The following GRM7 variants were observed in gnomAD, a reference collection of about 807,000 sequenced individuals.
GRM7 encodes metabotropic glutamate receptor 7.
In GRM7, 35 loss-of-function variants were observed where a neutral mutation model predicts 84.5. That is an observed-to-expected ratio of 0.41 (90% CI 0.32 to 0.55). GRM7 has a LOEUF of 0.55. Ranked by LOEUF, GRM7 falls within the 20% of genes least tolerant of loss-of-function variation. GRM7 has a pLI of 0.19. For synonymous variants in GRM7, 487 were observed against 455.1 expected, an observed-to-expected ratio of 1.07 and a Z score of -0.89; for missense variants, 1,003 against 1,194.6, an observed-to-expected ratio of 0.84 and a Z score of 2.36.
At chr3:7,134,705 G>T (rs560824410) in intron 1 of GRM7, among the ~76,000 whole-genome samples, 1 of 152,030 alleles carries the variant, frequency 6.6e-6, no homozygotes, top group Non-Finnish European at 1.5e-5. Flanking sequence ...GAGAAAAGGT[G>T]GTTCCTCAGG....
intron 4 of GRM7, among the ~76,000 whole-genome samples, chr3:7,380,383 G>A (rs1401228168): frequency 1.3e-5 from 2 of 151,952 alleles, no homozygotes. Context: ...TTTGCTTTCT[G>A]TTCATAAGAT....
At chr3:7,587,431 G>A (rs1397686963) in intron 8 of GRM7, among the ~76,000 whole-genome samples, 1 of 152,138 alleles carries the variant, frequency 6.6e-6, no homozygotes, top group East Asian at 1.9e-4. Flanking sequence ...ATTGGCAGGA[G>A]GGTCCCCAGA....
chr3:7,579,126 T>C lies in GRM7; in HGVS notation c.2220T>C (p.Pro740=). Reference sequence around the variant, plus strand: ...ATGATGAACACAAGACAATGAACCCTGAGCAAGCCAGAGGGGTTCTCAAGT... The same window carrying C: ...ATGATGAACACAAGACAATGAACCCCGAGCAAGCCAGAGGGGTTCTCAAGT... ...IDYDEHKTMN[P]EQARGVLKCD... The change falls in exon 8 of 10, where the codon CCT becomes CCC. Residue 740 remains proline, a synonymous_variant. Coordinates refer to ENST00000357716, the MANE Select transcript of GRM7 (RefSeq NM_000844.4). 2 of 1,613,922 alleles carry C rather than the reference T, an allele frequency of 1.2e-6. No homozygotes were observed. Among genetic ancestry groups the C allele is most frequent in the Non-Finnish European group, 1.7e-6 (2 of 1,179,822 alleles).
intron 2 of GRM7, among the ~76,000 whole-genome samples, chr3:7,192,197 G>C (rs1287328077): frequency 6.6e-6 from 1 of 152,120 alleles, no homozygotes; most frequent in East Asian, 1.9e-4. Context: ...AGAAGACCTG[G>C]TAAGGCTTGG....
At chr3:7,325,902 C>T (rs2125059507) in intron 4 of GRM7, among the ~76,000 whole-genome samples, 1 of 152,132 alleles carries the variant, frequency 6.6e-6, no homozygotes, top group African/African-American at 2.4e-5. Context: ...GAAATGCATG[C>T]CTACATCAGA....
At chr3:7,585,413 T>C (rs1464998318) in intron 8 of GRM7, among the ~76,000 whole-genome samples, 2 of 150,906 alleles carry the variant, frequency 1.3e-5, no homozygotes, top group African/African-American at 2.4e-5. Context: ...CCTAGGATAA[T>C]TGGAGTCTCA....
intron 1 of GRM7, among the ~76,000 whole-genome samples, chr3:7,026,154 C>T (rs931118824): frequency 2.6e-5 from 4 of 152,108 alleles, no homozygotes; most frequent in Non-Finnish European, 4.4e-5. Flanking sequence ...CTGACATAAC[C>T]CAGTGGTTTT....
At chr3:7,411,089 C>T (rs115142426) in intron 4 of GRM7, among the ~76,000 whole-genome samples, 2,811 of 152,226 alleles carry the variant, frequency 0.018, 46 homozygotes, top group Non-Finnish European at 0.031. Flanking sequence ...TTCTCGCCTT[C>T]TCCTGTGTGT....
At chr3:6,891,180 T>G (rs1357725043) in intron 1 of GRM7, among the ~76,000 whole-genome samples, 3 of 152,176 alleles carry the variant, frequency 2.0e-5, no homozygotes, top group Non-Finnish European at 2.9e-5. Context: ...TCTTGACTCT[T>G]TATCCAATTT....
At chr3:7,597,850 C>T (rs1008299639) in intron 8 of GRM7, among the ~76,000 whole-genome samples, 5 of 152,066 alleles carry the variant, frequency 3.3e-5, no homozygotes, top group African/African-American at 1.2e-4. Context: ...AGCATAGTCC[C>T]GGGTTGACCA....
At chr3:7,259,408 AT>A (rs970173960) in intron 2 of GRM7, among the ~76,000 whole-genome samples, 1 of 151,826 alleles carries the variant, frequency 6.6e-6, no homozygotes, top group Non-Finnish European at 1.5e-5. Flanking sequence ...CACAATAGTT[AT>A]TTTTTTTCTG....
chr3:7,167,657 G>T (rs1318991275), intron 2 of GRM7, among the ~76,000 whole-genome samples: 1 of 151,976 alleles, frequency 6.6e-6, no homozygotes, highest in Admixed American at 6.6e-5. Flanking sequence ...GACTCCAAAA[G>T]TCAGTTTGTC....
chr3:6,891,200 T>C (rs1321052016), intron 1 of GRM7, among the ~76,000 whole-genome samples: 1 of 152,192 alleles, frequency 6.6e-6, no homozygotes, highest in Non-Finnish European at 1.5e-5. Context: ...TGCCAGTCTG[T>C]GTCTTTTAAT....
intron 8 of GRM7, among the ~76,000 whole-genome samples, chr3:7,645,564 A>AAG (rs1158287565): frequency 6.6e-6 from 1 of 150,604 alleles, no homozygotes; most frequent in Non-Finnish European, 1.5e-5. Context: ...AAAAAAAAAA[A>AAG]AAAAAAAGAA....
intron 2 of GRM7, among the ~76,000 whole-genome samples, chr3:7,294,289 T>G (rs554061644): frequency 2.9e-4 from 44 of 152,294 alleles, no homozygotes; most frequent in African/African-American, 9.9e-4. Context: ...AGAAGCTGGG[T>G]TTCCATCCAA....
At chr3:7,550,039 C>A (rs1261990473) in intron 7 of GRM7, among the ~76,000 whole-genome samples, 1 of 152,180 alleles carries the variant, frequency 6.6e-6, no homozygotes, top group Non-Finnish European at 1.5e-5. Flanking sequence ...TTACCACCAT[C>A]ATCCTCCCCC....
In GRM7 at chr3:6,989,559, C is replaced by G. The variant is rs140866512; in HGVS notation, c.519+127652C>G. ...TTCTTTCTTTTTCCAAATTGTCAAT[C>G]CTGATCATACAACTATGAACAACCA... On this transcript the variant is annotated intron_variant, in intron 1 of 9. Coordinates refer to ENST00000357716, the MANE Select transcript of GRM7 (RefSeq NM_000844.4). Among the ~76,000 whole-genome samples the G allele has an allele frequency of 7.4e-3, 1,123 of 152,300 alleles. 3 individuals are homozygous for G. The highest frequency in any genetic ancestry group is 0.034 in the Middle Eastern group (10 of 294).
At chr3:6,987,187 T>C (rs1694447201) in intron 1 of GRM7, among the ~76,000 whole-genome samples, 1 of 152,182 alleles carries the variant, frequency 6.6e-6, no homozygotes, top group African/African-American at 2.4e-5. Flanking sequence ...AACTGTTTCT[T>C]GTGCACTTAC....
intron 8 of GRM7, 45 bp downstream of exon 8, chr3:7,579,402 C>G: frequency 1.7e-6 from 2 of 1,191,392 alleles, no homozygotes; most frequent in Non-Finnish European, 1.2e-6. Flanking sequence ...AAAATGTGTT[C>G]ATTTTTGTAA....
Sources: allele counts gnomAD v4.1 joint callset (sites outside exome capture counted in the v4.1 genomes callset), GRCh38; gene constraint gnomAD v4.1.1; transcripts MANE v1.5; gene names NCBI Gene and HGNC (gene_info 2026-07-23, HGNC 2026-07-21).